Variants in FAM222B observed in about 807,000 individuals in gnomAD.
The protein encoded by FAM222B is protein FAM222B.
In FAM222B, 12 loss-of-function variants were observed where a neutral mutation model predicts 38.0. The observed-to-expected ratio is 0.32, with a 90% CI of 0.20 to 0.51. FAM222B has a LOEUF of 0.51. Ranked by LOEUF, FAM222B falls within the 20% of genes least tolerant of loss-of-function variation. The pLI is 0.97. For synonymous variants in FAM222B, 329 were observed against 317.2 expected (o/e 1.04, Z -0.40); for missense variants, 716 against 754.2 (o/e 0.95, Z 0.59).
intron 1 of FAM222B, among the ~76,000 whole-genome samples, chr17:28,803,807 A>C (rs1700281742): frequency 6.6e-6 from 1 of 151,840 alleles, no homozygotes. Context: ...GTGAAACCCC[A>C]TCTCTACTAA....
intron 1 of FAM222B, among the ~76,000 whole-genome samples, chr17:28,813,889 T>C (rs1319985857): frequency 1.3e-5 from 2 of 151,412 alleles, no homozygotes; most frequent in Non-Finnish European, 2.9e-5. Flanking sequence ...TTCTGGGGTG[T>C]AGTGATAGAG....
intron 1 of FAM222B, among the ~76,000 whole-genome samples, chr17:28,790,771 TA>T (rs2036624188): frequency 6.6e-6 from 1 of 151,328 alleles, no homozygotes. Context: ...TAGGAAATAC[TA>T]AAGTATTCAA....
chr17:28,766,788 G>A (rs1261947570), intron 1 of FAM222B, 81 bp from the exon 2 acceptor site: 15 of 767,132 alleles, frequency 2.0e-5, no homozygotes, highest in East Asian at 5.4e-5. Flanking sequence ...TATGACTGGC[G>A]TGAGGCCCAA....
At chr17:28,787,842 T>C (rs1470369092) in intron 1 of FAM222B, among the ~76,000 whole-genome samples, 3 of 151,446 alleles carry the variant, frequency 2.0e-5, no homozygotes, top group African/African-American at 7.3e-5. Context: ...TTTTTTTTTT[T>C]TGAGACGGAG....
At chr17:28,840,910 A>C (rs11657141) in intron 1 of FAM222B, among the ~76,000 whole-genome samples, 29,253 of 150,048 alleles carry the variant, frequency 0.19, 2,922 homozygotes, top group South Asian at 0.3. Flanking sequence ...GCAGTGAACC[A>C]AGTTCGCACC....
At chr17:28,789,682 T>G (rs1290289503) in intron 1 of FAM222B, among the ~76,000 whole-genome samples, 1 of 152,236 alleles carries the variant, frequency 6.6e-6, no homozygotes, top group African/African-American at 2.4e-5. Flanking sequence ...CAGGGCCTAC[T>G]CTTGGTTTCT....
chr17:28,776,162 G>C (rs1399163751), intron 1 of FAM222B, among the ~76,000 whole-genome samples: 1 of 150,448 alleles, frequency 6.6e-6, no homozygotes, highest in Non-Finnish European at 1.5e-5. Context: ...CATGAGATCA[G>C]GAGATCAAGA....
chr17:28,823,033 G>A (rs1286915052), intron 1 of FAM222B, among the ~76,000 whole-genome samples: 1 of 150,120 alleles, frequency 6.7e-6, no homozygotes, highest in Non-Finnish European at 1.5e-5. Context: ...TCCAGCCTGG[G>A]CAAGAGACTG....
chr17:28,855,002 C>T, exon 1 of FAM222B: 1 of 1,546,122 alleles, frequency 6.5e-7, no homozygotes, highest in South Asian at 1.2e-5. Context: ...TAGGAGCGCT[C>T]CTGGTCGGTT....
At position 28,842,685 on chromosome 17, in the gene FAM222B, C is replaced by A; in HGVS notation, c.-44G>T. 1.3e-5 allele frequency: 2 copies of A among 153,492 alleles called. No individual in the cohort carries two copies. The highest frequency in any genetic ancestry group is 3.7e-4 in the South Asian group (2 of 5,374). The allele number at this position is 153,492 out of a possible 1,614,324, so 9.5% of individuals were successfully genotyped here. ...CTCCCCCTCCACCACTACTCACGGT[C>A]GGTGACTGGGCCCGGCCCTCATGGC... is the stretch of plus-strand genomic sequence containing the variant. On this transcript the variant is annotated 5_prime_UTR_variant, in exon 1 of 3. Transcript: ENST00000581407.
chr17:28,821,558 A>C (rs1264892193), intron 1 of FAM222B, among the ~76,000 whole-genome samples: 1 of 152,256 alleles, frequency 6.6e-6, no homozygotes, highest in Non-Finnish European at 1.5e-5. Context: ...TGCTTTTCTT[A>C]TAGACCAAGG....
chr17:28,806,151 T>TA (rs879586183), intron 1 of FAM222B, among the ~76,000 whole-genome samples: 124 of 141,308 alleles, frequency 8.8e-4, no homozygotes, highest in Admixed American at 1.9e-3. Context: ...AAACTCCAAC[T>TA]AAAAAAAAAA....
intron 1 of FAM222B, among the ~76,000 whole-genome samples, chr17:28,797,844 C>T (rs1412600499): frequency 6.6e-6 from 1 of 151,980 alleles, no homozygotes; most frequent in Non-Finnish European, 1.5e-5. Flanking sequence ...AGGAGGACTG[C>T]TTGAGCCCAA....
At chr17:28,809,669 G>C (rs1567869080) in intron 1 of FAM222B, among the ~76,000 whole-genome samples, 1 of 152,002 alleles carries the variant, frequency 6.6e-6, no homozygotes, top group Non-Finnish European at 1.5e-5. Context: ...ACACAAATCA[G>C]TCAAAAAAAT....
rs60664262 is a variant in FAM222B, at chr17:28,790,884, CTTTTTTTTTTTTTTT to C, written c.-40-24192_-40-24178del. 4.5e-4 allele frequency among the ~76,000 whole-genome samples: 39 copies of C among 86,098 alleles called. 2 individuals carry two copies. The highest frequency in any genetic ancestry group is 1.4e-3 in the South Asian group (4 of 2,904). The allele number at this position is 86,098 out of a possible 152,430, so 56.5% of individuals were successfully genotyped here. On this transcript the variant is annotated intron_variant, in intron 1 of 2. Transcript: ENST00000581407. ...GTTCTATATATTTCAAATTGTTTCA[CTTTTTTTTTTTTTTT>C]TTTTTTTTTTTTTTTTAGAGACAGA...
At chr17:28,785,942 G>A (rs983160867) in intron 1 of FAM222B, among the ~76,000 whole-genome samples, 3 of 151,400 alleles carry the variant, frequency 2.0e-5, no homozygotes, top group Admixed American at 6.6e-5. Context: ...TCTCCTCTCC[G>A]CCTGCCTTGG....
intron 1 of FAM222B, among the ~76,000 whole-genome samples, chr17:28,822,591 A>C (rs1339334288): frequency 6.7e-6 from 1 of 149,790 alleles, no homozygotes; most frequent in Non-Finnish European, 1.5e-5. Flanking sequence ...GCACCATTGC[A>C]CTCCAGCCTG....
chr17:28,768,836 CA>C (rs71359249), intron 1 of FAM222B, among the ~76,000 whole-genome samples: 35,289 of 71,652 alleles, frequency 0.49, 5,452 homozygotes, highest in East Asian at 0.54. Context: ...AACTCTGTCT[CA>C]AAAAAAAAAA....
chr17:28,838,975 C>T (rs2038944560), intron 1 of FAM222B, among the ~76,000 whole-genome samples: 1 of 151,734 alleles, frequency 6.6e-6, no homozygotes, highest in Non-Finnish European at 1.5e-5. Context: ...GAGGCTGAGT[C>T]GGGCAGATCA....
Sources: allele counts gnomAD v4.1 joint callset (sites outside exome capture counted in the v4.1 genomes callset), GRCh38; gene constraint gnomAD v4.1.1; transcripts MANE v1.5; gene names NCBI Gene and HGNC (gene_info 2026-07-23, HGNC 2026-07-21).